PRKCA: variants seen among roughly 807,000 people sequenced by gnomAD.
PRKCA encodes protein kinase C alpha type.
Under a neutral mutation model 87.0 loss-of-function variants are expected in PRKCA, and 27 were observed. The observed-to-expected ratio is 0.31, with a 90% CI of 0.23 to 0.43. The LOEUF is 0.43. PRKCA is among the 20% of genes least tolerant of loss of function. The probability of loss-of-function intolerance (pLI) is 1.00; values close to 1 mark genes in which losing one functional copy is unlikely to be tolerated. For missense variants in PRKCA, 518 were observed against 852.3 expected, an observed-to-expected ratio of 0.61 and a Z score of 4.88; for synonymous variants, 329 against 311.1, an observed-to-expected ratio of 1.06 and a Z score of -0.61.
intron 13 of PRKCA, among the ~76,000 whole-genome samples, chr17:66,767,202 C>T (rs897858355): frequency 3.9e-5 from 6 of 152,080 alleles, no homozygotes; most frequent in East Asian, 1.9e-4. Flanking sequence ...TTAACATTAT[C>T]GATAGGTTCT....
At chr17:66,642,230 C>T (rs898437345) in intron 4 of PRKCA, among the ~76,000 whole-genome samples, 1 of 151,910 alleles carries the variant, frequency 6.6e-6, no homozygotes, top group African/African-American at 2.4e-5. Flanking sequence ...CCCGAGTTCA[C>T]ACCATTCTCT....
chr17:66,798,438 TGGTGGTGGTGGTGAC>T (rs1374135822), intron 16 of PRKCA, among the ~76,000 whole-genome samples: 9 of 93,878 alleles, frequency 9.6e-5, no homozygotes, highest in East Asian at 3.1e-4. Flanking sequence ...GTGGTGACGG[TGGTGGTGGTGGTGAC>T]GGTGGTGGTG....
intron 13 of PRKCA, among the ~76,000 whole-genome samples, chr17:66,757,011 TG>T (rs1482177576): frequency 6.6e-6 from 1 of 151,898 alleles, no homozygotes; most frequent in African/African-American, 2.4e-5. Context: ...AGGGCTTTAG[TG>T]GAAAAAAGTA....
chr17:66,643,983 C>T (rs1229612722), intron 4 of PRKCA, among the ~76,000 whole-genome samples: 1 of 152,214 alleles, frequency 6.6e-6, no homozygotes, highest in East Asian at 1.9e-4. Context: ...ACCTCCCGTC[C>T]CCTCCCCGTT....
intron 2 of PRKCA, among the ~76,000 whole-genome samples, chr17:66,430,383 G>A (rs899925153): frequency 3.3e-5 from 5 of 151,660 alleles, no homozygotes; most frequent in Admixed American, 6.6e-5. Flanking sequence ...CCATGGCTCC[G>A]GAAGAGCCAG....
At chr17:66,789,827 A>T (rs3803819) in intron 16 of PRKCA, among the ~76,000 whole-genome samples, 15,179 of 152,270 alleles carry the variant, frequency 0.1, 1,247 homozygotes, top group East Asian at 0.25. Context: ...GATTGCGGCC[A>T]GCAAGTGCCT....
intron 2 of PRKCA, among the ~76,000 whole-genome samples, chr17:66,371,859 G>T (rs572852182): frequency 6.6e-6 from 1 of 152,326 alleles, no homozygotes; most frequent in Non-Finnish European, 1.5e-5. Flanking sequence ...CACAAGGCAA[G>T]TCTTCCGAAA....
At chr17:66,693,455 G>A (rs1308879974) in intron 8 of PRKCA, among the ~76,000 whole-genome samples, 3 of 152,218 alleles carry the variant, frequency 2.0e-5, no homozygotes, top group Non-Finnish European at 2.9e-5. Context: ...TGGAGCTTAC[G>A]TTCTGTATCT....
chr17:66,771,369 T>C (rs1316789050), intron 13 of PRKCA, among the ~76,000 whole-genome samples: 3 of 152,182 alleles, frequency 2.0e-5, no homozygotes, highest in Admixed American at 1.3e-4. Flanking sequence ...ACCAATTCTA[T>C]TGACAGGAAT....
chr17:66,459,112 C>T (rs1914716869), intron 2 of PRKCA, among the ~76,000 whole-genome samples: 1 of 152,084 alleles, frequency 6.6e-6, no homozygotes, highest in Non-Finnish European at 1.5e-5. Context: ...CTGGCTTACG[C>T]CTGTAATCCT....
chr17:66,528,221 C>CAAAA (rs60533049), intron 3 of PRKCA, among the ~76,000 whole-genome samples: 23 of 85,920 alleles, frequency 2.7e-4, no homozygotes, highest in Non-Finnish European at 3.1e-4. Context: ...AACTCTGTCT[C>CAAAA]AAAAAAAAAA....
At chr17:66,541,297 G>A (rs1598752582) in intron 3 of PRKCA, among the ~76,000 whole-genome samples, 1 of 152,174 alleles carries the variant, frequency 6.6e-6, no homozygotes, top group African/African-American at 2.4e-5. Flanking sequence ...CTTGTGGTAC[G>A]TGCTCCTGCG....
At chr17:66,530,955 C>A (rs1038924054) in intron 3 of PRKCA, among the ~76,000 whole-genome samples, 11 of 152,322 alleles carry the variant, frequency 7.2e-5, no homozygotes, top group Admixed American at 5.2e-4. Flanking sequence ...CCTGACAATA[C>A]TTCCAATTGC....
At chr17:66,626,079 T>C (rs16959770) in intron 3 of PRKCA, among the ~76,000 whole-genome samples, 4,398 of 152,330 alleles carry the variant, frequency 0.029, 195 homozygotes, top group African/African-American at 0.098. Context: ...GTTTCCGAAC[T>C]CTCTGCGTAC....
At chr17:66,653,959 A>G (rs1166866809) in intron 5 of PRKCA, among the ~76,000 whole-genome samples, 1 of 152,210 alleles carries the variant, frequency 6.6e-6, no homozygotes, top group Non-Finnish European at 1.5e-5. Context: ...TAGAAGTTTC[A>G]TGAATCCACT....
chr17:66,594,611 G>GTTT (rs1555624241), intron 3 of PRKCA, among the ~76,000 whole-genome samples: 21 of 151,268 alleles, frequency 1.4e-4, no homozygotes, highest in African/African-American at 4.1e-4. Context: ...CAACATGTGG[G>GTTT]TTTTTTTTTA....
chr17:66,321,622 C>T (rs1323338148), intron 2 of PRKCA, among the ~76,000 whole-genome samples: 1 of 152,204 alleles, frequency 6.6e-6, no homozygotes, highest in Non-Finnish European at 1.5e-5. Flanking sequence ...CTGCTCACTA[C>T]AACCTCTGCC....
At chr17:66,467,739 G>A (rs1326122250) in intron 2 of PRKCA, among the ~76,000 whole-genome samples, 1 of 151,820 alleles carries the variant, frequency 6.6e-6, no homozygotes, top group African/African-American at 2.4e-5. Flanking sequence ...TTAATTTTTT[G>A]TGGAGATGGG....
intron 16 of PRKCA, chr17:66,796,410 T>A: frequency 1.0e-6 from 1 of 983,808 alleles, no homozygotes; most frequent in African/African-American, 1.7e-5. Context: ...AACTGACTAT[T>A]CTCCAAATCC....
Sources: gnomAD v4.1 joint callset for allele counts (sites outside exome capture counted in the v4.1 genomes callset) on GRCh38, gnomAD v4.1.1 for gene constraint, MANE v1.5 for transcripts, NCBI Gene and HGNC (gene_info 2026-07-23, HGNC 2026-07-21) for gene names.